Variants in SSH2 observed in about 807,000 individuals in gnomAD.
The protein encoded by SSH2 is protein phosphatase Slingshot homolog 2.
A neutral mutation model predicts 135.2 loss-of-function variants in SSH2; 37 were observed. The ratio of observed to expected loss-of-function variants is 0.27; its 90% CI spans 0.21 to 0.36. The LOEUF (loss-of-function observed/expected upper bound fraction) is 0.36, where lower values mean the gene tolerates loss of function less well. SSH2 is among the 10% of genes least tolerant of loss of function. The pLI is 1.00. For synonymous variants in SSH2, 628 were observed against 646.2 expected, an observed-to-expected ratio of 0.97 and a Z score of 0.43; for missense variants, 1,408 against 1,765.3, an observed-to-expected ratio of 0.80 and a Z score of 3.63.
At chr17:29,923,582 T>C (rs1303839661) in intron 1 of SSH2, among the ~76,000 whole-genome samples, 12 of 149,146 alleles carry the variant, frequency 8.0e-5, no homozygotes, top group Non-Finnish European at 1.6e-4. Context: ...ATTGCACCAC[T>C]ACACTCCAGC....
chr17:29,768,566 C>T (rs900370217), intron 3 of SSH2, among the ~76,000 whole-genome samples: 1 of 152,086 alleles, frequency 6.6e-6, no homozygotes, highest in Non-Finnish European at 1.5e-5. Flanking sequence ...ATCATCATGC[C>T]TGGCTGGTAA....
intron 1 of SSH2, among the ~76,000 whole-genome samples, chr17:29,878,071 C>T (rs367789768): frequency 2.0e-5 from 3 of 151,550 alleles, no homozygotes; most frequent in Admixed American, 6.6e-5. Flanking sequence ...GGTGACACAG[C>T]AAGACCCTGT....
At chr17:29,641,843 G>A (rs975707196) in intron 14 of SSH2, 2 of 151,782 alleles carry the variant, frequency 1.3e-5, no homozygotes, top group Non-Finnish European at 1.5e-5. Context: ...GAGTACTTGC[G>A]CCTGTAATCT....
At chr17:29,704,668 A>ACTC (rs914619260) in intron 3 of SSH2, among the ~76,000 whole-genome samples, 10 of 146,390 alleles carry the variant, frequency 6.8e-5, no homozygotes, top group Admixed American at 2.8e-4. Context: ...GCGCCATTGT[A>ACTC]CTCCAGCTGG....
chr17:29,662,856 T>A (rs566199931), intron 11 of SSH2, among the ~76,000 whole-genome samples: 7 of 152,220 alleles, frequency 4.6e-5, no homozygotes, highest in Admixed American at 3.3e-4. Flanking sequence ...TTGAAAAAGA[T>A]AATCAGCAGT....
At chr17:29,682,660 G>C (rs1199652851) in intron 6 of SSH2, among the ~76,000 whole-genome samples, 1 of 151,978 alleles carries the variant, frequency 6.6e-6, no homozygotes, top group East Asian at 1.9e-4. Context: ...GAAGATGAAA[G>C]AAGGAAGGAA....
chr17:29,728,071 A>C (rs533137433), intron 3 of SSH2, among the ~76,000 whole-genome samples: 1 of 151,934 alleles, frequency 6.6e-6, no homozygotes, highest in Non-Finnish European at 1.5e-5. Context: ...CTCATGATAC[A>C]CCCACCCCAG....
At chr17:29,706,325 A>G (rs1484467646) in intron 3 of SSH2, among the ~76,000 whole-genome samples, 1 of 152,254 alleles carries the variant, frequency 6.6e-6, no homozygotes, top group Non-Finnish European at 1.5e-5. Flanking sequence ...TAACCTGCCA[A>G]ATAGACTGAA....
chr17:29,796,530 CG>C (rs1392556553), intron 2 of SSH2, among the ~76,000 whole-genome samples: 9 of 151,632 alleles, frequency 5.9e-5, no homozygotes, highest in African/African-American at 2.2e-4. Context: ...TTAGTAGAGA[CG>C]GGCTTTCTCC....
At chr17:29,687,599 CCTT>C (rs1284249774) in intron 5 of SSH2, among the ~76,000 whole-genome samples, 4 of 152,152 alleles carry the variant, frequency 2.6e-5, no homozygotes, top group African/African-American at 7.2e-5. Context: ...AGTACTGACT[CCTT>C]CTCTGATTGT....
chr17:29,812,620 A>C (rs1398200638), intron 2 of SSH2, among the ~76,000 whole-genome samples: 1 of 152,136 alleles, frequency 6.6e-6, no homozygotes, highest in Non-Finnish European at 1.5e-5. Flanking sequence ...GCCGGGCGCG[A>C]TGGCTCATGC....
chr17:29,920,934 ATATTCT>A (rs969864691), intron 1 of SSH2, among the ~76,000 whole-genome samples: 2 of 152,206 alleles, frequency 1.3e-5, no homozygotes, highest in South Asian at 2.1e-4. Context: ...AAAAAGGTTA[ATATTCT>A]TAGTATATAA....
chr17:29,696,165 GTA>G (rs752379702), intron 4 of SSH2, among the ~76,000 whole-genome samples: 1,953 of 127,072 alleles, frequency 0.015, 27 homozygotes, highest in Admixed American at 0.035. Context: ...ATGAGAGTAT[GTA>G]TATATATACA....
At chr17:29,746,929 G>C (rs531142775) in intron 3 of SSH2, among the ~76,000 whole-genome samples, 1 of 152,246 alleles carries the variant, frequency 6.6e-6, no homozygotes, top group Admixed American at 6.5e-5. Context: ...AACAGATAAA[G>C]CCATATGTAG....
chr17:29,725,066 G>A (rs1345552406), intron 3 of SSH2, among the ~76,000 whole-genome samples: 1 of 149,838 alleles, frequency 6.7e-6, no homozygotes, highest in African/African-American at 2.5e-5. Flanking sequence ...CCAGGGAATC[G>A]GCCAGGCACG....
chr17:29,764,738 T>A (rs2041404969), intron 3 of SSH2, among the ~76,000 whole-genome samples: 1 of 152,220 alleles, frequency 6.6e-6, no homozygotes, highest in Admixed American at 6.5e-5. Context: ...TTGACAACAT[T>A]AGCTATGACC....
intron 1 of SSH2, among the ~76,000 whole-genome samples, chr17:29,859,227 T>G (rs1599103344): frequency 6.6e-6 from 1 of 152,048 alleles, no homozygotes. Flanking sequence ...TCGGTAAAGG[T>G]GGGTTGAGTT....
chr17:29,787,459 CCTG>C (rs1266804740), intron 3 of SSH2: 11 of 151,614 alleles, frequency 7.3e-5, no homozygotes, highest in African/African-American at 2.2e-4. Context: ...CTCTTAAGAC[CCTG>C]CTTTCAATTC....
intron 3 of SSH2, among the ~76,000 whole-genome samples, chr17:29,712,077 C>T (rs953080085): frequency 6.6e-6 from 1 of 152,156 alleles, no homozygotes; most frequent in African/African-American, 2.4e-5. Flanking sequence ...TACACTGGTT[C>T]CGTCAAGAAA....
Sources: allele counts gnomAD v4.1 joint callset (sites outside exome capture counted in the v4.1 genomes callset), GRCh38; gene constraint gnomAD v4.1.1; transcripts MANE v1.5; gene names NCBI Gene and HGNC (gene_info 2026-07-23, HGNC 2026-07-21).